Variants in ESRRB observed in about 807,000 individuals in gnomAD.
ESRRB encodes estrogen related receptor beta.
ESRRB carries 16 observed loss-of-function variants against 46.0 expected under a neutral mutation model. The ratio of observed to expected loss-of-function variants is 0.35; its 90% confidence interval spans 0.24 to 0.53. ESRRB has a LOEUF of 0.53. Ranked by LOEUF, ESRRB falls within the 20% of genes least tolerant of loss-of-function variation. The pLI, the probability that ESRRB is intolerant of heterozygous loss-of-function variation, is 0.93. For synonymous variants in ESRRB, 246 were observed against 259.6 expected, an observed-to-expected ratio of 0.95 and a Z score of 0.50; for missense variants, 488 against 607.4, an observed-to-expected ratio of 0.80 and a Z score of 2.07.
chr14:76,380,929 T>G (rs1884985210), intron 1 of ESRRB, among the ~76,000 whole-genome samples: 1 of 152,230 alleles, frequency 6.6e-6, no homozygotes, highest in South Asian at 2.1e-4. Context: ...CCTGCCTGTT[T>G]GCCCTTGAAG....
chr14:76,328,257 T>G (rs1452846796), intron 1 of ESRRB, among the ~76,000 whole-genome samples: 1 of 152,206 alleles, frequency 6.6e-6, no homozygotes, highest in Non-Finnish European at 1.5e-5. Context: ...GCTGGGACAC[T>G]GTGTGCATTT....
rs1361369996 is a variant in ESRRB at position 76,491,587 on chromosome 14, G to A, written c.991G>A (p.Glu331Lys). 1.9e-6 allele frequency: 3 copies of A among 1,589,780 alleles called. No homozygotes were observed. The highest frequency in any genetic ancestry group is 1.7e-6 in the Non-Finnish European group (2 of 1,168,744). The change falls in exon 6 of 7, where the codon GAG (glutamate) becomes AAG (lysine). Residue 331 changes from glutamate to lysine, a missense_variant. Glu to Lys is a moderately conservative substitution (Grantham distance 56). Coordinates refer to ENST00000644823, the MANE Select transcript of ESRRB (RefSeq NM_001379180.1). ...VYAEDYIMDE[E>K]HSRLAGLLEL... ...CGCTGAGGACTACATCATGGATGAG[G>A]AGCACTCCCGCCTCGCGGGGCTGCT... is the stretch of plus-strand genomic sequence containing the variant.
At chr14:76,331,860 C>T (rs559712941) in intron 1 of ESRRB, among the ~76,000 whole-genome samples, 1 of 148,722 alleles carries the variant, frequency 6.7e-6, no homozygotes, top group East Asian at 2.0e-4. Flanking sequence ...CAGGAGTCCC[C>T]CAGCCCCGAT....
At chr14:76,355,156 C>T (rs187511052) in intron 1 of ESRRB, among the ~76,000 whole-genome samples, 23 of 152,312 alleles carry the variant, frequency 1.5e-4, no homozygotes, top group African/African-American at 5.5e-4. Flanking sequence ...GCCTTCCTTG[C>T]AGTCTGAAGC....
At chr14:76,330,080 G>T (rs1235081304) in intron 1 of ESRRB, among the ~76,000 whole-genome samples, 1 of 152,028 alleles carries the variant, frequency 6.6e-6, no homozygotes. Flanking sequence ...ACACCTGTTC[G>T]CGGCCCTCCT....
intron 3 of ESRRB, among the ~76,000 whole-genome samples, chr14:76,479,570 C>T (rs1404700466): frequency 3.3e-5 from 5 of 152,132 alleles, no homozygotes; most frequent in Non-Finnish European, 5.9e-5. Flanking sequence ...CATTTAGAAA[C>T]CAGACAAGAA....
chr14:76,382,715 CTGAGTT>C (rs1443276844), intron 1 of ESRRB, among the ~76,000 whole-genome samples: 2 of 152,102 alleles, frequency 1.3e-5, no homozygotes, highest in Non-Finnish European at 2.9e-5. Context: ...TCAGAATTGT[CTGAGTT>C]TGAGTTAAAA....
chr14:76,462,548 A>T lies in ESRRB; in HGVS notation c.464A>T (p.Asn155Ile). 1 of 1,610,480 alleles carries T rather than the reference A, an allele frequency of 6.2e-7. No individual in the cohort carries two copies. Among genetic ancestry groups the T allele is most frequent in the Non-Finnish European group, 8.5e-7 (1 of 1,177,294 alleles). ...KAFFKRTIQG[N>I]IEYSCPATNE... ...CCCTCTCTGTGTCTGGTTGCAGGGA[A>T]CATTGAGTACAGCTGCCCGGCCACC... The change falls in exon 3 of 7, where the codon AAC becomes ATC. Residue 155 changes from asparagine (N) to isoleucine (I), a missense_variant. Transcript: ENST00000644823.
At chr14:76,425,184 A>G (rs1038864355) in intron 1 of ESRRB, among the ~76,000 whole-genome samples, 2 of 151,950 alleles carry the variant, frequency 1.3e-5, no homozygotes, top group African/African-American at 4.8e-5. Context: ...GGGCTATCTC[A>G]TGGAAGGGCT....
At chr14:76,326,231 A>G (rs755210) in intron 1 of ESRRB, among the ~76,000 whole-genome samples, 16,156 of 151,542 alleles carry the variant, frequency 0.11, 997 homozygotes, top group South Asian at 0.16. Context: ...AAACTAAGGG[A>G]AAAAAAAAGG....
At chr14:76,375,265 C>G (rs1566864584), upstream of ESRRB, among the ~76,000 whole-genome samples, 1 of 152,054 alleles carries the variant, frequency 6.6e-6, no homozygotes, top group African/African-American at 2.4e-5. Context: ...ACTTACAGCT[C>G]ATTTTGGTAC....
chr14:76,357,402 G>T (rs1430007577), intron 1 of ESRRB, among the ~76,000 whole-genome samples: 5 of 152,234 alleles, frequency 3.3e-5, no homozygotes, highest in African/African-American at 1.2e-4. Flanking sequence ...GAGACATGAG[G>T]AGGTTCATTG....
At chr14:76,381,122 T>C (rs763737152) in intron 1 of ESRRB, among the ~76,000 whole-genome samples, 2 of 152,134 alleles carry the variant, frequency 1.3e-5, no homozygotes, top group Non-Finnish European at 2.9e-5. Flanking sequence ...TGGGTGGCCC[T>C]GATGTCCCCT....
At chr14:76,353,420 C>G (rs927656512) in intron 1 of ESRRB, among the ~76,000 whole-genome samples, 3 of 152,190 alleles carry the variant, frequency 2.0e-5, no homozygotes, top group Non-Finnish European at 4.4e-5. Flanking sequence ...ATTACCATCC[C>G]CTAAGACTCG....
chr14:76,434,416 T>C (rs1887580596), intron 1 of ESRRB, among the ~76,000 whole-genome samples: 2 of 151,180 alleles, frequency 1.3e-5, no homozygotes, highest in South Asian at 4.2e-4. Context: ...CTTTGGGAGG[T>C]AAAGGCGGGG....
rs551673248 is a variant in ESRRB, at chr14:76,379,399, A to C, written c.50+2948A>C. 1.2e-4 allele frequency among the ~76,000 whole-genome samples: 19 copies of C among 152,352 alleles called. No homozygotes were observed. The South Asian group carries it at 3.9e-3, about 32-fold the overall frequency. ...TTTGCTGTTGTTAAAGAAACAAAGAACAAATTGTCCTGAAGGTAAAATATG... is the reference window on the plus strand; with the variant it reads ...TTTGCTGTTGTTAAAGAAACAAAGACCAAATTGTCCTGAAGGTAAAATATG... On this transcript the variant is annotated intron_variant, in intron 1 of 6. Transcript: ENST00000644823.
At chr14:76,379,133 A>G (rs1337881958) in intron 1 of ESRRB, among the ~76,000 whole-genome samples, 2 of 152,228 alleles carry the variant, frequency 1.3e-5, no homozygotes, top group Non-Finnish European at 2.9e-5. Flanking sequence ...AGAGAGAAAC[A>G]TACGTACCTT....
chr14:76,432,200 G>A (rs78543765), intron 1 of ESRRB, among the ~76,000 whole-genome samples: 2,161 of 152,326 alleles, frequency 0.014, 21 homozygotes, highest in Non-Finnish European at 0.022. Flanking sequence ...CATACTTGGG[G>A]GCAGGGTGCT....
intron 1 of ESRRB, among the ~76,000 whole-genome samples, chr14:76,320,370 C>T (rs1180462193): frequency 6.6e-6 from 1 of 152,162 alleles, no homozygotes; most frequent in Non-Finnish European, 1.5e-5. Flanking sequence ...TCTCTTTTGG[C>T]CTCTGTTTCT....
Sources: gnomAD v4.1 joint callset for allele counts (sites outside exome capture counted in the v4.1 genomes callset) on GRCh38, gnomAD v4.1.1 for gene constraint, MANE v1.5 for transcripts, NCBI Gene and HGNC (gene_info 2026-07-23, HGNC 2026-07-21) for gene names.